Variants in TOMM40 observed in about 807,000 individuals in gnomAD.
TOMM40 encodes the protein mitochondrial import receptor subunit TOM40 homolog.
Under a neutral mutation model 38.4 loss-of-function variants are expected in TOMM40, and 9 were observed. That is an observed-to-expected ratio of 0.23 (90% confidence interval 0.14 to 0.41). TOMM40 has a LOEUF of 0.41. Among genes scored for constraint, TOMM40 ranks in the 10% least tolerant of loss-of-function variants. The probability of loss-of-function intolerance (pLI) is 1.00; values close to 1 mark genes in which losing one functional copy is unlikely to be tolerated. For missense variants in TOMM40, 299 were observed against 486.5 expected, an observed-to-expected ratio of 0.61 and a Z score of 3.63; for synonymous variants, 184 against 210.0, an observed-to-expected ratio of 0.88 and a Z score of 1.07.
intron 8 of TOMM40, chr19:44,901,539 A>G: frequency 8.7e-7 from 1 of 1,146,744 alleles, no homozygotes. Flanking sequence ...GATTGAGACC[A>G]TCCTGGCTAA....
chr19:44,900,099 AG>A (rs1969651100), intron 5 of TOMM40, among the ~76,000 whole-genome samples: 1 of 152,128 alleles, frequency 6.6e-6, no homozygotes, highest in African/African-American at 2.4e-5. Context: ...GGCAGCCCAA[AG>A]GTGGCAGTTC....
chr19:44,893,060 C>T, intron 3 of TOMM40, 131 bp downstream of exon 3: 1 of 685,246 alleles, frequency 1.5e-6, no homozygotes, highest in Non-Finnish European at 2.5e-6. Flanking sequence ...TTGCATCTCT[C>T]CGAGGTGCAC....
chr19:44,897,125 C>T (rs1408626180), intron 5 of TOMM40, among the ~76,000 whole-genome samples: 1 of 152,100 alleles, frequency 6.6e-6, no homozygotes, highest in Non-Finnish European at 1.5e-5. Context: ...AGGGGGTCAA[C>T]AGGGTCAGGT....
intron 5 of TOMM40, 24 bp downstream of exon 5, chr19:44,894,090 GT>G (rs1969520419): frequency 6.8e-7 from 1 of 1,478,914 alleles, no homozygotes; most frequent in East Asian, 2.4e-5. Flanking sequence ...GGCTTGGAGG[GT>G]GGTCACAAAA....
intron 5 of TOMM40, among the ~76,000 whole-genome samples, chr19:44,894,376 C>G (rs947636313): frequency 1.3e-5 from 2 of 151,646 alleles, no homozygotes; most frequent in African/African-American, 4.9e-5. Context: ...ATTCTCCTGC[C>G]TCAGCCTCCC....
At chr19:44,892,535 C>A in intron 2 of TOMM40, 75 bp downstream of exon 2, 1 of 1,362,930 alleles carries the variant, frequency 7.3e-7, no homozygotes, top group Non-Finnish European at 1.0e-6. Context: ...ACACTCGGCC[C>A]AATTACTCCT....
chr19:44,895,335 A>G (rs1969545334), intron 5 of TOMM40, among the ~76,000 whole-genome samples: 1 of 152,110 alleles, frequency 6.6e-6, no homozygotes, highest in Admixed American at 6.6e-5. Context: ...AGAAGCAGGA[A>G]CAGGGGTGAG....
rs372857253 is a variant in TOMM40 at position 44,901,059 on chromosome 19, C to T, written c.798C>T (p.Gly266=). 1.2e-6 allele frequency: 2 copies of T among 1,614,246 alleles called. No individual in the cohort carries two copies. The highest frequency in any genetic ancestry group is 1.7e-5 in the Admixed American group (1 of 60,034). ...ACTGGTTGGCAACGGTAACGTTGGG[C>T]CAGGCGGGCATGCACGCAACATACT... ...LNNWLATVTL[G]QAGMHATYYH... Residue 266 remains glycine (G), a synonymous_variant, in exon 7 of 9, where the codon GGC becomes GGT. Coordinates refer to ENST00000426677, the MANE Select transcript of TOMM40 (RefSeq NM_001128917.2).
chr19:44,902,025 G>C (rs1324607413), intron 8 of TOMM40: 2 of 152,074 alleles, frequency 1.3e-5, no homozygotes, highest in Non-Finnish European at 2.9e-5. Flanking sequence ...GGGAGGCGGA[G>C]GTTGCAGGGA....
intron 5 of TOMM40, among the ~76,000 whole-genome samples, chr19:44,899,186 G>A (rs538777838): frequency 5.8e-4 from 88 of 151,160 alleles, no homozygotes; most frequent in Non-Finnish European, 1.0e-3. Context: ...GATCTCTGTT[G>A]CCCACGTTGG....
chr19:44,892,965 C>G, intron 3 of TOMM40, 36 bp downstream of exon 3: 1 of 1,553,034 alleles, frequency 6.4e-7, no homozygotes, highest in Non-Finnish European at 8.8e-7. Flanking sequence ...TTGTATCCTT[C>G]TAATAACAAA....
chr19:44,892,681 G>A (rs1050053185), intron 2 of TOMM40, among the ~76,000 whole-genome samples, 156 bp from the exon 3 acceptor site: 2 of 152,178 alleles, frequency 1.3e-5, no homozygotes, highest in Non-Finnish European at 2.9e-5. Flanking sequence ...GAACAGGTCT[G>A]TGGGCCTACC....
intron 1 of TOMM40, among the ~76,000 whole-genome samples, chr19:44,892,012 G>T (rs567640810): frequency 6.6e-6 from 1 of 152,170 alleles, no homozygotes; most frequent in Non-Finnish European, 1.5e-5. Context: ...TGTCAGCGAG[G>T]TTCCTTGGGT....
chr19:44,897,770 C>T (rs577475906), intron 5 of TOMM40, among the ~76,000 whole-genome samples: 2 of 111,490 alleles, frequency 1.8e-5, no homozygotes, highest in South Asian at 5.5e-4. Context: ...GCAAAACGCC[C>T]CATCTCAAAA....
intron 5 of TOMM40, among the ~76,000 whole-genome samples, chr19:44,900,322 C>T (rs539651266): frequency 6.6e-6 from 1 of 152,210 alleles, no homozygotes; most frequent in Non-Finnish European, 1.5e-5. Flanking sequence ...TTTACCCACT[C>T]TACCCAATGG....
intron 8 of TOMM40, 170 bp from the exon 9 acceptor site, chr19:44,902,860 C>A: frequency 1.3e-6 from 1 of 764,406 alleles, no homozygotes; most frequent in Non-Finnish European, 2.0e-6. Context: ...AGGAGTGAGC[C>A]ATTTGCTCCA....
In TOMM40 at chr19:44,901,203, T is replaced by C. The variant is rs548326908; in HGVS notation, c.844-5T>C. The C allele has an allele frequency of 2.3e-4, 367 of 1,614,094 alleles. 3 individuals are homozygous for C. The South Asian group carries it at 3.4e-3, about 15-fold the overall frequency. ...AATTCTCATGTGTTGCTCCGGCCCC[T>C]CCAGCTGCAGGTGGGTGTGGAGTTT... On this transcript the variant is annotated splice_region_variant and splice_polypyrimidine_tract_variant and intron_variant, in intron 7 of 8. Coordinates refer to ENST00000426677, the MANE Select transcript of TOMM40 (RefSeq NM_001128917.2).
At chr19:44,899,330 A>G (rs1232660872) in intron 5 of TOMM40, among the ~76,000 whole-genome samples, 1 of 151,160 alleles carries the variant, frequency 6.6e-6, no homozygotes, top group African/African-American at 2.4e-5. Flanking sequence ...AAATTTATTT[A>G]TTTGTTGTTT....
Position 44,900,786 on chromosome 19 carries a change from G to A in TOMM40, c.700G>A (p.Glu234Lys), listed in dbSNP as rs764773533. 6.2e-7 allele frequency: 1 copy of A among 1,613,722 alleles called. No individual in the cohort carries two copies. The highest frequency in any genetic ancestry group is 8.5e-7 in the Non-Finnish European group (1 of 1,179,986). The change falls in exon 6 of 9, where the codon GAG becomes AAG. Residue 234 changes from glutamate (E) to lysine (K), a missense_variant. By Grantham distance (56) the Glu-to-Lys change is moderately conservative. Transcript: ENST00000426677. ...CACGCCTTGCCTGGCCCTGGGTGGA[G>A]AGCTGGTCTACCACCGGCGGCCTGG... is the stretch of plus-strand genomic sequence containing the variant. Reference protein sequence around the residue: ...SITPCLALGGELVYHRRPGEE... With the variant: ...SITPCLALGGKLVYHRRPGEE...
Sources: allele counts gnomAD v4.1 joint callset (sites outside exome capture counted in the v4.1 genomes callset), GRCh38; gene constraint gnomAD v4.1.1; transcripts MANE v1.5; gene names NCBI Gene and HGNC (gene_info 2026-07-23, HGNC 2026-07-21).